ABCB4: variants seen among roughly 807,000 people sequenced by gnomAD.
The protein encoded by ABCB4 is phosphatidylcholine translocator ABCB4.
In ABCB4, 76 loss-of-function variants were observed where a neutral mutation model predicts 145.7. The observed-to-expected ratio is 0.52, with a 90% CI of 0.43 to 0.63. The LOEUF (loss-of-function observed/expected upper bound fraction) is 0.63. ABCB4 is among the 30% of genes least tolerant of loss of function. The pLI is 0.00. For missense variants in ABCB4, 1,234 were observed against 1,553.1 expected, an observed-to-expected ratio of 0.79 and a Z score of 3.45; for synonymous variants, 517 against 566.8, an observed-to-expected ratio of 0.91 and a Z score of 1.25.
intron 25 of ABCB4, among the ~76,000 whole-genome samples, chr7:87,406,909 A>T (rs558511697): frequency 2.0e-4 from 31 of 152,264 alleles, no homozygotes; most frequent in African/African-American, 5.8e-4. Flanking sequence ...GCTGATCAGA[A>T]GCAGGGCCCC....
chr7:87,400,656 A>G (rs2116280442), downstream of ABCB4, among the ~76,000 whole-genome samples: 1 of 152,368 alleles, frequency 6.6e-6, no homozygotes, highest in African/African-American at 2.4e-5. Context: ...TGAACATTCC[A>G]AATTTGAACA....
chr7:87,369,354 T>C, the ABCB4 span: 2 of 1,540,764 alleles, frequency 1.3e-6, no homozygotes, highest in Non-Finnish European at 1.8e-6. Flanking sequence ...TTGAGTCTTG[T>C]GTTTTCTGTT....
At chr7:87,389,541 C>A in the ABCB4 span, among the ~76,000 whole-genome samples, 6 of 151,948 alleles carry the variant, frequency 3.9e-5, no homozygotes, top group South Asian at 1.2e-3. Context: ...CCAAACACCA[C>A]ATGTTCTCAC....
chr7:87,381,458 C>A, the ABCB4 span, among the ~76,000 whole-genome samples: 1 of 152,302 alleles, frequency 6.6e-6, no homozygotes, highest in African/African-American at 2.4e-5. Context: ...CTAATATTCA[C>A]TAAGTGGCCT....
At chr7:87,372,356 T>C in the ABCB4 span, among the ~76,000 whole-genome samples, 1 of 152,236 alleles carries the variant, frequency 6.6e-6, no homozygotes, top group Non-Finnish European at 1.5e-5. Flanking sequence ...ATCATTTGCT[T>C]TTGTATCTTG....
chr7:87,460,699 G>C (rs1375835454), intron 4 of ABCB4, among the ~76,000 whole-genome samples: 1 of 151,800 alleles, frequency 6.6e-6, no homozygotes, highest in Non-Finnish European at 1.5e-5. Context: ...CGCCCAGGCT[G>C]GAGTGCAGTG....
At chr7:87,467,430 C>A (rs1812992984) in intron 3 of ABCB4, among the ~76,000 whole-genome samples, 1 of 151,352 alleles carries the variant, frequency 6.6e-6, no homozygotes, top group South Asian at 2.1e-4. Flanking sequence ...CAAAGAGACT[C>A]CCACACAATA....
Position 87,420,026 on chromosome 7 carries a change from G to T in ABCB4, c.2366C>A (p.Ser789Ter), listed in dbSNP as rs1414757432. ...TCTTAGCATTGCTTTAAAAGCCATTGACCGCAGTCTTCTGGTGAGGATCTC... is the reference window on the plus strand; with the variant it reads ...TCTTAGCATTGCTTTAAAAGCCATTTACCGCAGTCTTCTGGTGAGGATCTC... ...AGEILTRRLR[S>*]MAFKAMLRQD... The change falls in exon 19 of 28, where the codon TCA (serine) becomes TAA (stop). Residue 789 changes from serine (S) to a stop codon, truncating the protein, a stop_gained. Coordinates refer to ENST00000649586, the MANE Select transcript of ABCB4 (RefSeq NM_000443.4). LOFTEE classifies it high-confidence loss of function. 3 of 1,613,982 alleles carry T rather than the reference G, an allele frequency of 1.9e-6. No individual in the cohort carries two copies. The African/African-American group carries it at 4.0e-5, about 22-fold the overall frequency.
intron 4 of ABCB4, among the ~76,000 whole-genome samples, chr7:87,461,520 G>A (rs1398408244): frequency 6.6e-6 from 1 of 152,196 alleles, no homozygotes; most frequent in African/African-American, 2.4e-5. Context: ...CTACTGTGTA[G>A]TATTGTTCTT....
chr7:87,367,770 A>G, the ABCB4 span, among the ~76,000 whole-genome samples: 1 of 152,062 alleles, frequency 6.6e-6, no homozygotes, highest in African/African-American at 2.4e-5. Context: ...CCAGTCTGTA[A>G]TATCTTCCAT....
downstream of ABCB4, chr7:87,398,613 T>C (rs1807633838): frequency 4.3e-6 from 7 of 1,613,558 alleles, no homozygotes; most frequent in Non-Finnish European, 5.9e-6. Context: ...TTTCATGATA[T>C]GATACAGCTG....
At chr7:87,400,243 G>A (rs1293353913), downstream of ABCB4, among the ~76,000 whole-genome samples, 2 of 152,298 alleles carry the variant, frequency 1.3e-5, no homozygotes, top group Middle Eastern at 3.4e-3. Flanking sequence ...CTTGATAAGA[G>A]AAAGTCACTT....
chr7:87,462,159 A>G (rs958699962), intron 4 of ABCB4, among the ~76,000 whole-genome samples: 1 of 152,190 alleles, frequency 6.6e-6, no homozygotes, highest in African/African-American at 2.4e-5. Context: ...TCGTATTGAT[A>G]ACATTAACTT....
intron 26 of ABCB4, among the ~76,000 whole-genome samples, chr7:87,404,664 A>G (rs1279100600): frequency 1.3e-5 from 2 of 152,234 alleles, no homozygotes; most frequent in African/African-American, 4.8e-5. Context: ...AACTTCTGAA[A>G]ACTCAGCAGT....
At chr7:87,467,791 G>A (rs566974098) in intron 3 of ABCB4, among the ~76,000 whole-genome samples, 7 of 152,138 alleles carry the variant, frequency 4.6e-5, no homozygotes, top group African/African-American at 9.7e-5. Flanking sequence ...GCTCCTGAAC[G>A]ACTACTGGGC....
In ABCB4 at chr7:87,472,694, C is replaced by T; in HGVS notation, c.81-19G>A. The T allele has an allele frequency of 6.5e-7, 1 of 1,536,002 alleles. No homozygotes were observed. The highest frequency in any genetic ancestry group is 9.0e-7 in the Non-Finnish European group (1 of 1,110,006). The stretch of plus-strand genomic sequence containing the variant: ...TTGTTTGCTGTAAAAAATAGAATTG[C>T]TTCAATTTAAAACTGTTACAAAATG... On this transcript the variant is annotated intron_variant, in intron 2 of 27. Transcript: ENST00000649586.
chr7:87,472,242 A>AG (rs1813473407), intron 3 of ABCB4, among the ~76,000 whole-genome samples: 1 of 152,160 alleles, frequency 6.6e-6, no homozygotes, highest in African/African-American at 2.4e-5. Flanking sequence ...TTTTTGAGAC[A>AG]GGGTCTTGCT....
chr7:87,367,760 C>G, the ABCB4 span, among the ~76,000 whole-genome samples: 476 of 152,204 alleles, frequency 3.1e-3, no homozygotes, highest in African/African-American at 0.011. Context: ...CTTGATTGTT[C>G]CAGTCTGTAA....
At chr7:87,386,840 C>G in the ABCB4 span, among the ~76,000 whole-genome samples, 704 of 152,262 alleles carry the variant, frequency 4.6e-3, 9 homozygotes, top group African/African-American at 0.015. Context: ...CTAACCCCAT[C>G]TCTACCCATT....
Sources: allele counts gnomAD v4.1 joint callset (sites outside exome capture counted in the v4.1 genomes callset), GRCh38; gene constraint gnomAD v4.1.1; transcripts MANE v1.5; gene names NCBI Gene and HGNC (gene_info 2026-07-23, HGNC 2026-07-21).